ASH1L: variants seen among roughly 807,000 people sequenced by gnomAD.
ASH1L encodes ASH1 like histone lysine methyltransferase.
In ASH1L, 23 loss-of-function variants were observed where a neutral mutation model predicts 269.0. The observed-to-expected ratio is 0.09, with a 90% CI of 0.06 to 0.12. The LOEUF is 0.12. ASH1L is among the 10% of genes least tolerant of loss of function. ASH1L has a pLI of 1.00. For missense variants in ASH1L, 2,912 were observed against 3,567.8 expected, an observed-to-expected ratio of 0.82 and a Z score of 4.68; for synonymous variants, 1,187 against 1,253.5, an observed-to-expected ratio of 0.95 and a Z score of 1.12.
At chr1:155,528,734 A>G (rs755556589) in intron 1 of ASH1L, among the ~76,000 whole-genome samples, 12 of 152,146 alleles carry the variant, frequency 7.9e-5, no homozygotes, top group Non-Finnish European at 1.6e-4. Context: ...TTCTAAGTTC[A>G]GGGGTACATG....
intron 4 of ASH1L, among the ~76,000 whole-genome samples, chr1:155,442,866 G>A (rs1253246401): frequency 1.3e-5 from 2 of 152,010 alleles, no homozygotes; most frequent in Non-Finnish European, 2.9e-5. Context: ...TCTGCTTAAT[G>A]ACTATTCATT....
chr1:155,439,091 C>A (rs1157486860), intron 4 of ASH1L, 23 bp from the exon 5 acceptor site: 3 of 1,572,998 alleles, frequency 1.9e-6, no homozygotes, highest in South Asian at 2.4e-5. Flanking sequence ...ATAAATCACA[C>A]ATAGACAAAA....
chr1:155,392,444 T>A (rs1571084361), intron 7 of ASH1L, among the ~76,000 whole-genome samples: 1 of 152,164 alleles, frequency 6.6e-6, no homozygotes, highest in African/African-American at 2.4e-5. Context: ...TCCAGTGACT[T>A]AGGATTACTA....
chr1:155,492,327 G>A (rs774694300), intron 2 of ASH1L, among the ~76,000 whole-genome samples: 26 of 152,190 alleles, frequency 1.7e-4, no homozygotes. Flanking sequence ...ACAGGCGTGA[G>A]CCACCACGCC....
intron 1 of ASH1L, among the ~76,000 whole-genome samples, chr1:155,541,987 C>T (rs2148890407): frequency 6.6e-6 from 1 of 152,142 alleles, no homozygotes; most frequent in East Asian, 1.9e-4. Context: ...AGTCCCAAGG[C>T]TAAAAATCTT....
chr1:155,370,482 T>G (rs1389418362), intron 12 of ASH1L, 22 bp downstream of exon 12: 1 of 1,612,756 alleles, frequency 6.2e-7, no homozygotes, highest in African/African-American at 1.3e-5. Flanking sequence ...ATTCTTGTCT[T>G]CACCTTCTTT....
At chr1:155,474,880 C>T (rs1665414925) in intron 3 of ASH1L, among the ~76,000 whole-genome samples, 1 of 152,180 alleles carries the variant, frequency 6.6e-6, no homozygotes, top group Non-Finnish European at 1.5e-5. Flanking sequence ...CAGTTTCCTT[C>T]AAATTATTTT....
At chr1:155,473,888 T>C (rs1036810066) in intron 3 of ASH1L, among the ~76,000 whole-genome samples, 7 of 152,150 alleles carry the variant, frequency 4.6e-5, no homozygotes, top group Non-Finnish European at 1.0e-4. Flanking sequence ...CAGGCTGGAG[T>C]GCAGTGGCAC....
At chr1:155,522,133 A>G (rs1480081069) in intron 1 of ASH1L, among the ~76,000 whole-genome samples, 1 of 152,220 alleles carries the variant, frequency 6.6e-6, no homozygotes, top group Non-Finnish European at 1.5e-5. Context: ...ATGTACCTAT[A>G]AAAATTCTTT....
chr1:155,493,275 A>C (rs1181501999), intron 2 of ASH1L, among the ~76,000 whole-genome samples: 1 of 152,220 alleles, frequency 6.6e-6, no homozygotes, highest in Non-Finnish European at 1.5e-5. Context: ...GTTTTTAAAA[A>C]ACCTCACATG....
intron 3 of ASH1L, among the ~76,000 whole-genome samples, chr1:155,475,229 T>C (rs1665446201): frequency 2.0e-5 from 3 of 151,788 alleles, no homozygotes; most frequent in Admixed American, 2.0e-4. Context: ...CTCCGCCTCC[T>C]GGGTTCAAGC....
chr1:155,559,593 T>C (rs1671823255), intron 1 of ASH1L, among the ~76,000 whole-genome samples: 1 of 151,666 alleles, frequency 6.6e-6, no homozygotes, highest in Admixed American at 6.6e-5. Context: ...AGTACAAAGC[T>C]GCATACAGAG....
chr1:155,357,800 C>A, intron 13 of ASH1L, 51 bp from the exon 14 acceptor site: 1 of 1,520,902 alleles, frequency 6.6e-7, no homozygotes, highest in Non-Finnish European at 8.8e-7. Flanking sequence ...AAGGCAGGGT[C>A]TTTCCTGTCA....
intron 2 of ASH1L, among the ~76,000 whole-genome samples, chr1:155,488,155 G>A (rs1489573346): frequency 6.6e-6 from 1 of 151,790 alleles, no homozygotes; most frequent in African/African-American, 2.4e-5. Flanking sequence ...AAAGTGCTGG[G>A]ATTACAGGCA....
intron 7 of ASH1L, 108 bp downstream of exon 7, chr1:155,395,351 G>C: frequency 1.3e-6 from 1 of 779,976 alleles, no homozygotes; most frequent in Non-Finnish European, 1.9e-6. Context: ...GAAAGAGCTT[G>C]ATCCCACTGG....
intron 4 of ASH1L, among the ~76,000 whole-genome samples, chr1:155,457,330 C>T (rs764493101): frequency 6.6e-6 from 1 of 152,132 alleles, no homozygotes; most frequent in Non-Finnish European, 1.5e-5. Context: ...GATATAGTCC[C>T]CATTATTGCT....
chr1:155,562,455 G>A lies in ASH1L; in HGVS notation c.-402C>T. On this transcript the variant is annotated 5_prime_UTR_variant, in exon 1 of 28. Coordinates refer to ENST00000392403, the MANE Select transcript of ASH1L (RefSeq NM_018489.3). ...CGGCGGCGGCGGCGGCAGCAGCAGA[G>A]TGGCGGCGGTGGCGGCGGCAGCTCC... The A allele has an allele frequency of 2.8e-6, 4 of 1,445,718 alleles. No homozygotes were observed. Among genetic ancestry groups the A allele is most frequent in the Non-Finnish European group, 3.8e-6 (4 of 1,063,874 alleles). The allele number at this position is 1,445,718 out of a possible 1,614,324, so 89.6% of individuals were successfully genotyped here.
At chr1:155,469,949 AGTCCCATCTCTTGG>A (rs1664972816) in intron 3 of ASH1L, among the ~76,000 whole-genome samples, 1 of 152,198 alleles carries the variant, frequency 6.6e-6, no homozygotes, top group Non-Finnish European at 1.5e-5. Context: ...CTATCTTTCC[AGTCCCATCTCTTGG>A]GTCCCATATC....
chr1:155,518,096 G>A (rs867803131), intron 2 of ASH1L, among the ~76,000 whole-genome samples: 84 of 152,060 alleles, frequency 5.5e-4, no homozygotes, highest in Non-Finnish European at 7.9e-4. Flanking sequence ...CACCACGCCC[G>A]GCCCAATAAT....
Sources: gnomAD v4.1 joint callset for allele counts (sites outside exome capture counted in the v4.1 genomes callset) on GRCh38, gnomAD v4.1.1 for gene constraint, MANE v1.5 for transcripts, NCBI Gene and HGNC (gene_info 2026-07-23, HGNC 2026-07-21) for gene names.